Variants in SLC12A6 observed in about 807,000 individuals in gnomAD.
SLC12A6 encodes solute carrier family 12 member 6.
A neutral mutation model predicts 135.3 loss-of-function variants in SLC12A6; 66 were observed. The observed-to-expected ratio is 0.49, with a 90% CI of 0.40 to 0.60. The LOEUF (loss-of-function observed/expected upper bound fraction) is 0.60, where lower values mean the gene tolerates loss of function less well. Ranked by LOEUF, SLC12A6 falls within the 20% of genes least tolerant of loss-of-function variation. SLC12A6 has a pLI of 0.00. For missense variants in SLC12A6, 1,058 were observed against 1,452.3 expected (o/e 0.73, Z 4.41); for synonymous variants, 513 against 508.8 (o/e 1.01, Z -0.11).
At chr15:34,245,621 GC>G in intron 14 of SLC12A6, 71 bp downstream of exon 14, 1 of 1,306,858 alleles carries the variant, frequency 7.7e-7, no homozygotes, top group Non-Finnish European at 1.1e-6. Flanking sequence ...TAATTTCTAA[GC>G]CCATGAAGAC....
chr15:34,262,418 A>T (rs1893207346), intron 3 of SLC12A6, among the ~76,000 whole-genome samples: 1 of 151,066 alleles, frequency 6.6e-6, no homozygotes, highest in Non-Finnish European at 1.5e-5. Context: ...CGCCCTCCTC[A>T]CCCTTTGATA....
In SLC12A6 at chr15:34,337,561, G is replaced by A. The variant is rs944927483; in HGVS notation, c.-302C>T. On this transcript the variant is annotated 5_prime_UTR_variant, in exon 1 of 26. Transcript: ENST00000354181. ...GCTAGGTTTCTCCTGCGTGTGACAG[G>A]ACGAGCCACCCCCTTTGCCGGAGGC... The A allele has an allele frequency of 6.6e-6, 1 of 152,480 alleles. No homozygotes were observed. Among genetic ancestry groups the A allele is most frequent in the Non-Finnish European group, 1.5e-5 (1 of 68,234 alleles). 9.4% of individuals were successfully genotyped at this position (152,480 alleles called of 1,614,324 possible).
chr15:34,287,147 C>A (rs559930878), intron 2 of SLC12A6, among the ~76,000 whole-genome samples: 2 of 151,988 alleles, frequency 1.3e-5, no homozygotes, highest in East Asian at 1.9e-4. Flanking sequence ...TCCCTACCCC[C>A]CCGGGCTCTG....
chr15:34,256,954 T>TA (rs1185360870), intron 6 of SLC12A6, among the ~76,000 whole-genome samples: 2 of 152,036 alleles, frequency 1.3e-5, no homozygotes, highest in African/African-American at 4.8e-5. Flanking sequence ...AGCCTGAGAC[T>TA]AAAAAAAGGT....
intron 2 of SLC12A6, among the ~76,000 whole-genome samples, chr15:34,308,767 A>G (rs907391892): frequency 2.0e-5 from 3 of 152,214 alleles, no homozygotes; most frequent in African/African-American, 7.2e-5. Flanking sequence ...ATCCAAAACA[A>G]AACGGTAGAA....
chr15:34,329,973 T>C (rs775743593), intron 2 of SLC12A6, among the ~76,000 whole-genome samples: 1 of 152,236 alleles, frequency 6.6e-6, no homozygotes, highest in Non-Finnish European at 1.5e-5. Context: ...TCATTTAACC[T>C]GTAAATACTT....
chr15:34,314,325 G>T (rs1486634036), intron 2 of SLC12A6, among the ~76,000 whole-genome samples: 1 of 152,186 alleles, frequency 6.6e-6, no homozygotes, highest in Admixed American at 6.5e-5. Flanking sequence ...GGGATTACAG[G>T]TGTGAGCCAC....
chr15:34,242,569 A>G (rs1372928774), intron 16 of SLC12A6, among the ~76,000 whole-genome samples: 1 of 152,226 alleles, frequency 6.6e-6, no homozygotes. Flanking sequence ...ACGGAACACT[A>G]TCAGTCATCT....
rs564619080 is a variant in SLC12A6, at chr15:34,297,518, T to G, written c.272-22129A>C. The stretch of plus-strand genomic sequence containing the variant: ...TAGCTCAGAGAAAGCTGAAATGATT[T>G]GCCCAAGGTGGTGTAGCCAATAAAG... On this transcript the variant is annotated intron_variant, in intron 2 of 25. Transcript: ENST00000354181. Among the ~76,000 whole-genome samples the G allele has an allele frequency of 2.2e-3, 340 of 152,322 alleles. 5 individuals are homozygous for G. The highest frequency in any genetic ancestry group is 8.0e-3 in the African/African-American group (333 of 41,548).
In SLC12A6 at chr15:34,238,990, A is replaced by T. The variant is rs1367763749; in HGVS notation, c.2607T>A (p.Asp869Glu). Residue 869 changes from aspartate (D) to glutamate (E), a missense_variant, in exon 20 of 26, where the codon GAT (aspartate) becomes GAA (glutamate). This residue lies in a region of SLC12A6 where 245 missense variants were observed against 440.8 expected (regional missense o/e 0.56). Coordinates refer to ENST00000354181, the MANE Select transcript of SLC12A6 (RefSeq NM_001365088.1). The part of the protein sequence containing the change: ...GWPNGWRQSE[D>E]ARAWKTFIGT... ...CAATAAAAGTCTTCCAAGCGCGGGC[A>T]TCTTCGCTTTGACGCCAGCCATTAG... The T allele has an allele frequency of 1.2e-6, 2 of 1,614,176 alleles. No homozygotes were observed. Among genetic ancestry groups the T allele is most frequent in the South Asian group, 2.2e-5 (2 of 91,080 alleles).
At chr15:34,310,212 T>C (rs544809920) in intron 2 of SLC12A6, among the ~76,000 whole-genome samples, 6,509 of 138,042 alleles carry the variant, frequency 0.047, 227 homozygotes, top group Middle Eastern at 0.07. Flanking sequence ...TGTGTGTCCC[T>C]GTGTCCAGGC....
chr15:34,259,892 G>A (rs936444152), intron 4 of SLC12A6, among the ~76,000 whole-genome samples: 19 of 152,160 alleles, frequency 1.2e-4, no homozygotes, highest in African/African-American at 4.1e-4. Flanking sequence ...CTAAAAAGTA[G>A]AACTCGTAGT....
intron 2 of SLC12A6, among the ~76,000 whole-genome samples, chr15:34,305,082 T>C (rs941336132): frequency 6.6e-6 from 1 of 152,226 alleles, no homozygotes; most frequent in African/African-American, 2.4e-5. Flanking sequence ...ATCTCCTAGT[T>C]TCCAGTGTTG....
chr15:34,234,081 T>C, intron 25 of SLC12A6, 109 bp from the exon 26 acceptor site: 2 of 719,426 alleles, frequency 2.8e-6, no homozygotes, highest in East Asian at 5.2e-5. Flanking sequence ...AGCTGCTTAA[T>C]TATTATATAT....
chr15:34,297,608 A>G (rs915071282), intron 2 of SLC12A6, among the ~76,000 whole-genome samples: 7 of 152,240 alleles, frequency 4.6e-5, no homozygotes, highest in Non-Finnish European at 8.8e-5. Flanking sequence ...AGCAGGAAGC[A>G]GTGTGAGGGT....
At chr15:34,299,447 T>C (rs1595527243) in intron 2 of SLC12A6, 1 of 152,202 alleles carries the variant, frequency 6.6e-6, no homozygotes, top group South Asian at 2.1e-4. Flanking sequence ...TAAAGATGAA[T>C]AGAGCACAGC....
chr15:34,296,318 T>A (rs1013007682), intron 2 of SLC12A6, among the ~76,000 whole-genome samples: 1 of 152,040 alleles, frequency 6.6e-6, no homozygotes, highest in Non-Finnish European at 1.5e-5. Context: ...TTACAGTTTT[T>A]AAAATATTTT....
intron 12 of SLC12A6, 112 bp from the exon 13 acceptor site, chr15:34,250,467 A>G: frequency 2.3e-6 from 2 of 870,786 alleles, no homozygotes; most frequent in Non-Finnish European, 4.0e-6. Flanking sequence ...AAATACTCCT[A>G]TAAATTCTTT....
At chr15:34,250,386 T>A (rs367992304) in intron 12 of SLC12A6, 31 bp from the exon 13 acceptor site, 466 of 1,408,832 alleles carry the variant, frequency 3.3e-4, no homozygotes, top group Non-Finnish European at 3.9e-4. Flanking sequence ...GAAACTGTTG[T>A]TTACCCTCTA....
Sources: gnomAD v4.1 joint callset for allele counts (sites outside exome capture counted in the v4.1 genomes callset) on GRCh38, gnomAD v4.1.1 for gene constraint, gnomAD v4.1.1 regional missense constraint, MANE v1.5 for transcripts, NCBI Gene and HGNC (gene_info 2026-07-23, HGNC 2026-07-21) for gene names.